Variants in ADAMTS12 observed in about 807,000 individuals in gnomAD.
ADAMTS12 encodes the protein A disintegrin and metalloproteinase with thrombospondin motifs 12.
ADAMTS12 carries 118 observed loss-of-function variants against 167.8 expected under a neutral mutation model. That is an observed-to-expected ratio of 0.70 (90% CI 0.61 to 0.82). ADAMTS12 has a LOEUF of 0.82. Ranked by LOEUF, ADAMTS12 falls within the 40% of genes least tolerant of loss-of-function variation. The pLI, the probability that ADAMTS12 is intolerant of heterozygous loss-of-function variation, is 0.00. For missense variants in ADAMTS12, 1,916 were observed against 1,998.8 expected (o/e 0.96, Z 0.79); for synonymous variants, 704 against 716.9 (o/e 0.98, Z 0.29).
chr5:33,535,178 C>T (rs1744327342), intron 22 of ADAMTS12, among the ~76,000 whole-genome samples, 186 bp from the exon 23 acceptor site: 1 of 152,230 alleles, frequency 6.6e-6, no homozygotes, highest in Admixed American at 6.5e-5. Context: ...AGACTCTATA[C>T]TATAGGTTGT....
At chr5:33,563,053 T>G (rs937329110) in intron 19 of ADAMTS12, among the ~76,000 whole-genome samples, 2 of 152,316 alleles carry the variant, frequency 1.3e-5, no homozygotes, top group South Asian at 2.1e-4. Context: ...AAGTAGAAAT[T>G]ATTTTCTACT....
chr5:33,702,405 T>C (rs186958571), intron 3 of ADAMTS12, among the ~76,000 whole-genome samples: 1 of 152,248 alleles, frequency 6.6e-6, no homozygotes, highest in African/African-American at 2.4e-5. Context: ...TGTGCCCATC[T>C]GAGTTCTCTT....
At chr5:33,592,804 T>C (rs1405755602) in intron 17 of ADAMTS12, among the ~76,000 whole-genome samples, 1 of 152,156 alleles carries the variant, frequency 6.6e-6, no homozygotes, top group Non-Finnish European at 1.5e-5. Flanking sequence ...GATTAAACCT[T>C]GCACAGGAAA....
At chr5:33,673,838 C>T (rs1378954438) in intron 5 of ADAMTS12, among the ~76,000 whole-genome samples, 1 of 151,742 alleles carries the variant, frequency 6.6e-6, no homozygotes, top group Non-Finnish European at 1.5e-5. Context: ...GATGTTCCCT[C>T]TTCCTAGATT....
chr5:33,682,771 T>C (rs755037304), intron 5 of ADAMTS12, among the ~76,000 whole-genome samples: 2 of 152,220 alleles, frequency 1.3e-5, no homozygotes, highest in Non-Finnish European at 2.9e-5. Context: ...GTGAGTCTCA[T>C]GTGTATGTTA....
chr5:33,777,023 T>A (rs567330047), intron 2 of ADAMTS12, among the ~76,000 whole-genome samples: 299 of 152,120 alleles, frequency 2.0e-3, no homozygotes, highest in Admixed American at 5.4e-3. Flanking sequence ...AGGGATTGAA[T>A]CAGAAATCAA....
At chr5:33,809,748 T>C (rs1049117570) in intron 2 of ADAMTS12, among the ~76,000 whole-genome samples, 2 of 151,846 alleles carry the variant, frequency 1.3e-5, no homozygotes, top group Non-Finnish European at 1.5e-5. Context: ...TGGGTGGGGA[T>C]GGAGGTGCAA....
chr5:33,801,026 T>C (rs545920054), intron 2 of ADAMTS12, among the ~76,000 whole-genome samples: 2 of 152,234 alleles, frequency 1.3e-5, no homozygotes, highest in South Asian at 4.1e-4. Flanking sequence ...GAGGAGAAGG[T>C]GCTGGAACCA....
intron 20 of ADAMTS12, among the ~76,000 whole-genome samples, chr5:33,560,302 A>T (rs1306064960): frequency 6.6e-6 from 1 of 152,116 alleles, no homozygotes; most frequent in African/African-American, 2.4e-5. Context: ...GCAGAAAGGT[A>T]GAAAAAAAAA....
chr5:33,596,669 G>A (rs895362762), intron 16 of ADAMTS12, among the ~76,000 whole-genome samples: 2 of 152,156 alleles, frequency 1.3e-5, no homozygotes, highest in East Asian at 1.9e-4. Flanking sequence ...GCAACAGAGC[G>A]AGACTCTGTC....
At chr5:33,832,130 G>A (rs936864595) in intron 2 of ADAMTS12, among the ~76,000 whole-genome samples, 9 of 152,182 alleles carry the variant, frequency 5.9e-5, no homozygotes, top group Non-Finnish European at 2.9e-5. Flanking sequence ...AGATTCACAC[G>A]AAAAGGTGTG....
intron 7 of ADAMTS12, among the ~76,000 whole-genome samples, chr5:33,653,882 G>A (rs911636996): frequency 3.3e-5 from 5 of 152,138 alleles, no homozygotes; most frequent in Non-Finnish European, 7.3e-5. Context: ...TTTGTTCTCT[G>A]AGCACTTTTT....
chr5:33,653,896 T>C lies in ADAMTS12; in HGVS notation c.1191-4199A>G, dbSNP rs564911409. Among the ~76,000 whole-genome samples, 9 of 152,322 alleles carry C rather than the reference T, an allele frequency of 5.9e-5. No homozygotes were observed. In the South Asian group the frequency reaches 1.9e-3, roughly 32 times the overall value. On this transcript the variant is annotated intron_variant, in intron 7 of 23. Transcript: ENST00000504830. ...ATTTGTTCTCTGAGCACTTTTTCAA[T>C]GCCATTGTCTTTTTCCTCTCTTTCT... is the stretch of plus-strand genomic sequence containing the variant.
At chr5:33,885,945 G>A (rs1304578508) in intron 1 of ADAMTS12, among the ~76,000 whole-genome samples, 1 of 152,230 alleles carries the variant, frequency 6.6e-6, no homozygotes, top group East Asian at 1.9e-4. Flanking sequence ...ATCCAGCAGA[G>A]AAGCAATAGT....
chr5:33,683,207 A>G (rs1276769658), intron 4 of ADAMTS12, 106 bp from the exon 5 acceptor site: 2 of 845,864 alleles, frequency 2.4e-6, no homozygotes, highest in Non-Finnish European at 3.6e-6. Context: ...GTTTTCTTAT[A>G]GGTCAGAAAT....
intron 20 of ADAMTS12, among the ~76,000 whole-genome samples, chr5:33,557,346 G>C (rs1056872893): frequency 6.6e-5 from 10 of 152,186 alleles, no homozygotes; most frequent in Non-Finnish European, 1.5e-4. Context: ...AAACTCTCTG[G>C]ATATTTAAAG....
intron 21 of ADAMTS12, among the ~76,000 whole-genome samples, chr5:33,548,403 G>C (rs1023198693): frequency 1.3e-5 from 2 of 152,092 alleles, no homozygotes; most frequent in Non-Finnish European, 2.9e-5. Flanking sequence ...ATAAAATAGG[G>C]TTAAAAATGC....
chr5:33,774,947 T>C (rs1258422568), intron 2 of ADAMTS12, among the ~76,000 whole-genome samples: 2 of 152,226 alleles, frequency 1.3e-5, no homozygotes, highest in Non-Finnish European at 2.9e-5. Context: ...GTGAAAATCA[T>C]CTAGGTAGAC....
chr5:33,549,256 C>G lies in ADAMTS12; in HGVS notation c.4253G>C (p.Ser1418Thr), dbSNP rs1190411342. 6.2e-7 allele frequency: 1 copy of G among 1,614,088 alleles called. No homozygotes were observed. Among genetic ancestry groups the G allele is most frequent in the Admixed American group, 1.7e-5 (1 of 60,006 alleles). ...CGCCTCACAGGGCTCCGGGTTACAG[C>G]TCATGCTCAATGGGGGAGGAATGCC... is the stretch of plus-strand genomic sequence containing the variant. ...LAGIPPPLSM[S>T]CNPEPCEAWQ... The change falls in exon 21 of 24, where the codon AGC becomes ACC. Residue 1418 changes from serine (S) to threonine (T), a missense_variant. By Grantham distance (58) the Ser-to-Thr change is moderately conservative. Transcript: ENST00000504830.
Sources: allele counts gnomAD v4.1 joint callset (sites outside exome capture counted in the v4.1 genomes callset), GRCh38; gene constraint gnomAD v4.1.1; transcripts MANE v1.5; gene names NCBI Gene and HGNC (gene_info 2026-07-23, HGNC 2026-07-21).